The following CSMD3 variants were observed in gnomAD, a reference collection of about 807,000 sequenced individuals.
CSMD3 encodes the protein CUB and Sushi multiple domains 3, also known as CUB and sushi domain-containing protein 3.
A neutral mutation model predicts 435.2 loss-of-function variants in CSMD3; 177 were observed. That is an observed-to-expected ratio of 0.41 (90% confidence interval 0.36 to 0.46). CSMD3 has a LOEUF of 0.46. CSMD3 is among the 20% of genes least tolerant of loss of function. CSMD3 has a pLI of 0.34. For synonymous variants in CSMD3, 1,656 were observed against 1,520.5 expected (o/e 1.09, Z -2.07); for missense variants, 4,265 against 4,504.6 (o/e 0.95, Z 1.52).
At chr8:112,512,671 T>G (rs1011845601) in intron 28 of CSMD3, among the ~76,000 whole-genome samples, 14 of 152,198 alleles carry the variant, frequency 9.2e-5, no homozygotes, top group African/African-American at 3.4e-4. Flanking sequence ...TATTTTAAAG[T>G]CACCAGCTGC....
At chr8:112,447,553 A>G (rs1422571464) in intron 32 of CSMD3, among the ~76,000 whole-genome samples, 1 of 152,172 alleles carries the variant, frequency 6.6e-6, no homozygotes, top group Non-Finnish European at 1.5e-5. Flanking sequence ...TAAGAAGTAT[A>G]TAGATTCTTT....
chr8:113,322,392 A>G (rs1435136784), intron 1 of CSMD3, among the ~76,000 whole-genome samples: 1 of 152,152 alleles, frequency 6.6e-6, no homozygotes, highest in Admixed American at 6.5e-5. Flanking sequence ...AGATATCCAA[A>G]TCACCCAGAG....
intron 32 of CSMD3, among the ~76,000 whole-genome samples, chr8:112,465,446 T>G (rs1179176865): frequency 1.3e-5 from 2 of 152,072 alleles, no homozygotes; most frequent in Non-Finnish European, 2.9e-5. Context: ...TCAACAGTCT[T>G]TGAAATGTAG....
intron 3 of CSMD3, among the ~76,000 whole-genome samples, chr8:113,262,362 T>C (rs970053806): frequency 1.3e-5 from 2 of 152,112 alleles, no homozygotes; most frequent in Non-Finnish European, 2.9e-5. Flanking sequence ...TTTGTCTTTG[T>C]ACATACTTGT....
intron 5 of CSMD3, among the ~76,000 whole-genome samples, chr8:113,029,258 C>T (rs2131226878): frequency 6.6e-6 from 1 of 151,504 alleles, no homozygotes; most frequent in South Asian, 2.1e-4. Flanking sequence ...AGAAGGAACC[C>T]TCCCTAATTC....
At chr8:112,857,875 A>C (rs1368337958) in intron 11 of CSMD3, among the ~76,000 whole-genome samples, 1 of 151,750 alleles carries the variant, frequency 6.6e-6, no homozygotes, top group African/African-American at 2.4e-5. Context: ...TGCACAGAGA[A>C]ATAAACCAAT....
chr8:112,908,099 AC>A (rs958426027), intron 10 of CSMD3, among the ~76,000 whole-genome samples: 3 of 151,480 alleles, frequency 2.0e-5, no homozygotes, highest in African/African-American at 7.3e-5. Flanking sequence ...TTGTCTGACT[AC>A]CATTGAATAC....
At chr8:112,305,141 C>T (rs560873687) in intron 51 of CSMD3, among the ~76,000 whole-genome samples, 338 of 152,248 alleles carry the variant, frequency 2.2e-3, no homozygotes, top group African/African-American at 7.7e-3. Context: ...CAATCTTGTA[C>T]TTATTATTCT....
chr8:112,615,702 G>A (rs990984685), intron 22 of CSMD3, among the ~76,000 whole-genome samples: 4 of 151,848 alleles, frequency 2.6e-5, no homozygotes, highest in Non-Finnish European at 4.4e-5. Flanking sequence ...TAAACCATAC[G>A]AAAAAAGAGT....
chr8:112,643,910 CA>C (rs1453099910), intron 20 of CSMD3, among the ~76,000 whole-genome samples: 1 of 151,894 alleles, frequency 6.6e-6, no homozygotes, highest in Non-Finnish European at 1.5e-5. Flanking sequence ...TCTGAAAACG[CA>C]AATTTAAATG....
chr8:113,373,416 A>T (rs2094359108), intron 1 of CSMD3, among the ~76,000 whole-genome samples: 1 of 152,120 alleles, frequency 6.6e-6, no homozygotes, highest in African/African-American at 2.4e-5. Flanking sequence ...CTGGTACTAC[A>T]CAGGCTCGCT....
intron 28 of CSMD3, among the ~76,000 whole-genome samples, chr8:112,509,099 T>C (rs1822831356): frequency 6.6e-6 from 1 of 151,738 alleles, no homozygotes; most frequent in South Asian, 2.1e-4. Flanking sequence ...TTTTTTTTTT[T>C]TTTTCGATAC....
At chr8:112,989,500 A>G (rs954176183) in intron 6 of CSMD3, among the ~76,000 whole-genome samples, 7 of 152,090 alleles carry the variant, frequency 4.6e-5, no homozygotes, top group Admixed American at 6.6e-5. Flanking sequence ...GTTACATGAT[A>G]GAATGCAATG....
intron 3 of CSMD3, among the ~76,000 whole-genome samples, chr8:113,216,582 C>T (rs1215621200): frequency 6.6e-6 from 1 of 151,874 alleles, no homozygotes; most frequent in African/African-American, 2.4e-5. Context: ...TATTCTCCCA[C>T]CAGAAACAAT....
chr8:112,343,001 TTATATATATATATATTTATA>T (rs1563815603), intron 41 of CSMD3, among the ~76,000 whole-genome samples: 1 of 109,678 alleles, frequency 9.1e-6, no homozygotes, highest in Non-Finnish European at 1.9e-5. Context: ...ATATATATAT[TTATATATATATATATTTATA>T]TATATATATA....
intron 10 of CSMD3, among the ~76,000 whole-genome samples, chr8:112,917,014 T>C (rs76551194): frequency 0.034 from 5,131 of 152,026 alleles, 149 homozygotes; most frequent in Middle Eastern, 0.051. Context: ...TGACCAGTAG[T>C]TGTCTATCAT....
At chr8:113,016,075 CTT>C (rs762650744) in intron 6 of CSMD3, among the ~76,000 whole-genome samples, 2 of 147,718 alleles carry the variant, frequency 1.4e-5, no homozygotes, top group Non-Finnish European at 3.0e-5. Context: ...AACTAAATAA[CTT>C]TTTTTTTTAA....
chr8:112,700,228 T>C (rs2076359172), intron 13 of CSMD3, among the ~76,000 whole-genome samples: 1 of 152,144 alleles, frequency 6.6e-6, no homozygotes, highest in South Asian at 2.1e-4. Flanking sequence ...CAGCTGGGCA[T>C]GGTGGCTCAT....
intron 5 of CSMD3, among the ~76,000 whole-genome samples, chr8:113,019,602 C>T (rs1449676479): frequency 6.7e-6 from 1 of 150,100 alleles, no homozygotes; most frequent in Non-Finnish European, 1.5e-5. Flanking sequence ...ATAAACATAA[C>T]AGATATTGAG....
Sources: allele counts gnomAD v4.1 joint callset (sites outside exome capture counted in the v4.1 genomes callset), GRCh38; gene constraint gnomAD v4.1.1; transcripts MANE v1.5; gene names NCBI Gene and HGNC (gene_info 2026-07-23, HGNC 2026-07-21).